CSMD1: variants seen among roughly 807,000 people sequenced by gnomAD.
CSMD1 encodes CUB and sushi domain-containing protein 1.
CSMD1 carries 213 observed loss-of-function variants against 417.5 expected under a neutral mutation model. The observed-to-expected ratio is 0.51, with a 90% CI of 0.46 to 0.57. The LOEUF (loss-of-function observed/expected upper bound fraction) is 0.57. Among genes scored for constraint, CSMD1 ranks in the 20% least tolerant of loss-of-function variants. CSMD1 has a pLI of 0.00. For missense variants in CSMD1, 6,923 were observed against 4,529.7 expected (o/e 1.53, Z -15.17); for synonymous variants, 2,862 against 1,736.8 (o/e 1.65, Z -16.11).
Position 4,755,068 on chromosome 8 carries a change from G to A in CSMD1, c.86-117510C>T, listed in dbSNP as rs1482069755. On this transcript the variant is annotated intron_variant, in intron 1 of 69. Transcript: ENST00000635120. ...CAGAAGAATTGCTTGAACCCGGGAG[G>A]CGGAAGTTGCAGTGAGCCGATATGG... Among the ~76,000 whole-genome samples the A allele has an allele frequency of 3.3e-5, 5 of 152,238 alleles. No individual in the cohort carries two copies. In the South Asian group the frequency reaches 6.2e-4, roughly 19 times the overall value.
At position 3,411,762 on chromosome 8, in the gene CSMD1, G is replaced by GTA. The variant is rs753273810; in HGVS notation, c.1562-2159_1562-2158dup. Among the ~76,000 whole-genome samples the GTA allele has an allele frequency of 3.3e-4, 39 of 119,026 alleles. 4 individuals are homozygous for GTA. Among genetic ancestry groups the GTA allele is most frequent in the East Asian group, 1.8e-3 (5 of 2,716 alleles). The allele number at this position is 119,026 out of a possible 152,430, so 78.1% of individuals were successfully genotyped here. On this transcript the variant is annotated intron_variant, in intron 12 of 69. Coordinates refer to ENST00000635120, the MANE Select transcript of CSMD1 (RefSeq NM_033225.6). ...TGTATATATACACGTGTATATACGTGTATATACGTGTGTATATACCTGTAT... is the reference window on the plus strand; with the variant it reads ...TGTATATATACACGTGTATATACGTGTATATATACGTGTGTATATACCTGTAT...
chr8:4,794,546 C>A (rs138129810), intron 1 of CSMD1, among the ~76,000 whole-genome samples: 2 of 152,118 alleles, frequency 1.3e-5, no homozygotes, highest in African/African-American at 2.4e-5. Context: ...CTCCCTCCCC[C>A]ACGTCCACCT....
At chr8:4,838,312 T>G (rs78008443) in intron 1 of CSMD1, among the ~76,000 whole-genome samples, 8,232 of 152,224 alleles carry the variant, frequency 0.054, 238 homozygotes, top group African/African-American at 0.07. Context: ...ACGTAAGCGT[T>G]CATGGAAATA....
At chr8:3,606,040 G>A (rs1801595597) in intron 8 of CSMD1, among the ~76,000 whole-genome samples, 1 of 152,122 alleles carries the variant, frequency 6.6e-6, no homozygotes, top group African/African-American at 2.4e-5. Context: ...AAAATCACAT[G>A]ATTGTAATGA....
chr8:3,565,121 T>G (rs1380764053), intron 10 of CSMD1, among the ~76,000 whole-genome samples: 2 of 38,546 alleles, frequency 5.2e-5, no homozygotes, highest in African/African-American at 1.8e-4. Context: ...AACTCTGTAG[T>G]GCAAGACAGC....
intron 3 of CSMD1, among the ~76,000 whole-genome samples, chr8:4,198,975 C>T (rs1799496225): frequency 6.6e-6 from 1 of 151,938 alleles, no homozygotes; most frequent in South Asian, 2.1e-4. Flanking sequence ...TACTGTTGCT[C>T]ATTTCCTCCT....
chr8:3,436,001 G>C (rs1448170153), intron 12 of CSMD1, among the ~76,000 whole-genome samples: 1 of 151,954 alleles, frequency 6.6e-6, no homozygotes, highest in Non-Finnish European at 1.5e-5. Context: ...CTCTCTTCTG[G>C]GACACATCCC....
At chr8:3,298,521 G>A (rs62504379) in intron 25 of CSMD1, among the ~76,000 whole-genome samples, 3 of 152,066 alleles carry the variant, frequency 2.0e-5, no homozygotes, top group Non-Finnish European at 2.9e-5. Flanking sequence ...TGGAATGATC[G>A]TGGCTCACTG....
At chr8:4,636,158 T>C (rs975289669) in intron 2 of CSMD1, among the ~76,000 whole-genome samples, 6 of 152,122 alleles carry the variant, frequency 3.9e-5, no homozygotes, top group African/African-American at 1.4e-4. Flanking sequence ...TTCTTGTGTG[T>C]ATTACTGTTG....
intron 2 of CSMD1, among the ~76,000 whole-genome samples, chr8:4,471,153 C>T (rs1800508301): frequency 1.3e-5 from 2 of 152,120 alleles, no homozygotes; most frequent in African/African-American, 4.8e-5. Context: ...GAACCATTAT[C>T]ACATGCCAGG....
At chr8:3,952,067 G>C (rs1811633637) in intron 5 of CSMD1, among the ~76,000 whole-genome samples, 2 of 152,290 alleles carry the variant, frequency 1.3e-5, no homozygotes, top group South Asian at 2.1e-4. Context: ...AAATTCATTA[G>C]TTGTTTGAAT....
intron 1 of CSMD1, among the ~76,000 whole-genome samples, chr8:4,747,737 C>T (rs1374191522): frequency 6.6e-6 from 1 of 152,118 alleles, no homozygotes; most frequent in East Asian, 1.9e-4. Flanking sequence ...ATGCCAATGT[C>T]CTGTGGCCCA....
chr8:3,498,910 G>C (rs4875726), intron 10 of CSMD1, among the ~76,000 whole-genome samples: 3,436 of 151,816 alleles, frequency 0.023, 181 homozygotes, highest in East Asian at 0.12. Flanking sequence ...CCTACTTTTT[G>C]AATTGTCTAT....
At chr8:4,902,859 T>A (rs999187233) in intron 1 of CSMD1, among the ~76,000 whole-genome samples, 4 of 151,906 alleles carry the variant, frequency 2.6e-5, no homozygotes, top group African/African-American at 9.7e-5. Flanking sequence ...TTATCATTTA[T>A]GTTTTTTCTA....
chr8:4,940,957 G>C (rs1379690603), intron 1 of CSMD1, among the ~76,000 whole-genome samples: 1 of 152,156 alleles, frequency 6.6e-6, no homozygotes, highest in African/African-American at 2.4e-5. Context: ...CTTAGATCTA[G>C]ATGGATTTTT....
chr8:4,641,226 G>C lies in CSMD1; in HGVS notation c.86-3668C>G, dbSNP rs375841445. Among the ~76,000 whole-genome samples the C allele has an allele frequency of 3.9e-5, 6 of 151,986 alleles. No homozygotes were observed. In the South Asian group the frequency reaches 6.2e-4, roughly 16 times the overall value. On this transcript the variant is annotated intron_variant, in intron 1 of 69. Coordinates refer to ENST00000635120, the MANE Select transcript of CSMD1 (RefSeq NM_033225.6). Reference sequence around the variant, plus strand: ...TGCTATAATTCAAACAAACTTCCAAGAGAAAACCTGAACACATGCCATAAT... The same window carrying C: ...TGCTATAATTCAAACAAACTTCCAACAGAAAACCTGAACACATGCCATAAT...
chr8:4,584,555 C>T (rs1183929899), intron 2 of CSMD1, among the ~76,000 whole-genome samples: 1 of 152,120 alleles, frequency 6.6e-6, no homozygotes, highest in African/African-American at 2.4e-5. Context: ...TTGCCTAGAA[C>T]CAGCTTCCGC....
At chr8:3,874,497 T>G (rs545303576) in intron 5 of CSMD1, among the ~76,000 whole-genome samples, 6 of 152,204 alleles carry the variant, frequency 3.9e-5, no homozygotes, top group African/African-American at 9.6e-5. Flanking sequence ...TTTTATGACG[T>G]TGCATTGAAA....
chr8:3,756,691 A>G (rs1168712471), intron 5 of CSMD1, among the ~76,000 whole-genome samples: 1 of 152,230 alleles, frequency 6.6e-6, no homozygotes, highest in Non-Finnish European at 1.5e-5. Flanking sequence ...TGTACTTGCT[A>G]AACTTTTCAC....
Sources: allele counts gnomAD v4.1 joint callset (sites outside exome capture counted in the v4.1 genomes callset), GRCh38; gene constraint gnomAD v4.1.1; transcripts MANE v1.5; gene names NCBI Gene and HGNC (gene_info 2026-07-23, HGNC 2026-07-21).